CDH13: variants seen among roughly 807,000 people sequenced by gnomAD.
CDH13 encodes the protein cadherin 13.
In CDH13, 24 loss-of-function variants were observed where a neutral mutation model predicts 63.8. The ratio of observed to expected loss-of-function variants is 0.38; its 90% confidence interval spans 0.27 to 0.53. The LOEUF (loss-of-function observed/expected upper bound fraction) is 0.53. Ranked by LOEUF, CDH13 falls within the 20% of genes least tolerant of loss-of-function variation. The pLI is 0.85. For synonymous variants in CDH13, 503 were observed against 355.3 expected (o/e 1.42, Z -4.67); for missense variants, 1,049 against 903.1 (o/e 1.16, Z -2.07).
At position 83,143,178 on chromosome 16, in the gene CDH13, G is replaced by C. The variant is rs558389114; in HGVS notation, c.483+17677G>C. 3.3e-5 allele frequency among the ~76,000 whole-genome samples: 5 copies of C among 152,192 alleles called. No individual in the cohort carries two copies. In the South Asian group the frequency reaches 1.0e-3, roughly 32 times the overall value. On this transcript the variant is annotated intron_variant, in intron 4 of 13. Coordinates refer to ENST00000567109, the MANE Select transcript of CDH13 (RefSeq NM_001257.5). ...CCCTATCTTACATGCAGAACGAATGGTATTAATTTTGTGATGAATAAAAAA... is the reference window on the plus strand; with the variant it reads ...CCCTATCTTACATGCAGAACGAATGCTATTAATTTTGTGATGAATAAAAAA...
At chr16:83,171,922 G>C (rs2037936920) in intron 4 of CDH13, among the ~76,000 whole-genome samples, 1 of 152,204 alleles carries the variant, frequency 6.6e-6, no homozygotes, top group African/African-American at 2.4e-5. Context: ...TGTTATTTAA[G>C]ATTTATTGTC....
At chr16:83,769,076 T>G (rs144207430) in intron 11 of CDH13, among the ~76,000 whole-genome samples, 1 of 152,058 alleles carries the variant, frequency 6.6e-6, no homozygotes, top group South Asian at 2.1e-4. Flanking sequence ...CCCAAGGAAG[T>G]TGAGGCTTGG....
At chr16:82,888,151 G>A (rs113860779) in intron 2 of CDH13, among the ~76,000 whole-genome samples, 1,840 of 152,222 alleles carry the variant, frequency 0.012, 36 homozygotes, top group African/African-American at 0.04. Context: ...AACCTTTTGG[G>A]AAGAAAACAT....
At chr16:83,322,218 G>T (rs1013553516) in intron 5 of CDH13, among the ~76,000 whole-genome samples, 1 of 152,190 alleles carries the variant, frequency 6.6e-6, no homozygotes, top group Admixed American at 6.5e-5. Flanking sequence ...AGAGCCTTTG[G>T]TGTTGCCGGC....
At chr16:83,139,429 C>A (rs917768265) in intron 4 of CDH13, among the ~76,000 whole-genome samples, 1 of 152,148 alleles carries the variant, frequency 6.6e-6, no homozygotes, top group Non-Finnish European at 1.5e-5. Context: ...AAATACATTT[C>A]TTCTTAGTGA....
chr16:83,618,917 T>G (rs987927048), intron 8 of CDH13, among the ~76,000 whole-genome samples: 1 of 152,150 alleles, frequency 6.6e-6, no homozygotes, highest in East Asian at 1.9e-4. Flanking sequence ...TAATTCAGGA[T>G]TAATATATTC....
chr16:83,327,419 G>A (rs2090388998), intron 5 of CDH13, among the ~76,000 whole-genome samples: 1 of 152,064 alleles, frequency 6.6e-6, no homozygotes, highest in South Asian at 2.1e-4. Context: ...ATTTCTTTTT[G>A]TCTATTGATC....
intron 9 of CDH13, among the ~76,000 whole-genome samples, chr16:83,672,499 A>C (rs1413965778): frequency 8.1e-6 from 1 of 123,252 alleles, no homozygotes; most frequent in Admixed American, 1.1e-4. Flanking sequence ...ATCTTGGCTC[A>C]CTGCAACCTC....
intron 5 of CDH13, among the ~76,000 whole-genome samples, chr16:83,302,495 T>C (rs1248215948): frequency 6.6e-6 from 1 of 152,218 alleles, no homozygotes; most frequent in Non-Finnish European, 1.5e-5. Context: ...GCTCCTTATA[T>C]TCTAGAAAAT....
chr16:83,148,771 T>A (rs2036856269), intron 4 of CDH13, among the ~76,000 whole-genome samples: 1 of 152,176 alleles, frequency 6.6e-6, no homozygotes, highest in Admixed American at 6.5e-5. Flanking sequence ...AGAGACAGAT[T>A]TATCCTTATA....
chr16:82,836,194 G>C (rs1326241757), intron 1 of CDH13, among the ~76,000 whole-genome samples: 1 of 152,108 alleles, frequency 6.6e-6, no homozygotes, highest in Non-Finnish European at 1.5e-5. Context: ...TGGCGCCCAG[G>C]CTGGAGTGCA....
rs370411117 is a variant in CDH13 at position 83,148,150 on chromosome 16, C to T, written c.483+22649C>T. ...ACGGGGTTTCACCATTTTGGCCAGG[C>T]TGATCCTGAACTCCTGACCTCAAGT... On this transcript the variant is annotated intron_variant, in intron 4 of 13. Coordinates refer to ENST00000567109, the MANE Select transcript of CDH13 (RefSeq NM_001257.5). Among the ~76,000 whole-genome samples, 62 of 152,278 alleles carry T rather than the reference C, an allele frequency of 4.1e-4. 1 individual carries two copies. Among genetic ancestry groups the T allele is most frequent in the African/African-American group, 1.5e-3 (62 of 41,546 alleles).
At chr16:82,781,244 A>G (rs2035739191) in intron 1 of CDH13, among the ~76,000 whole-genome samples, 1 of 152,162 alleles carries the variant, frequency 6.6e-6, no homozygotes, top group Non-Finnish European at 1.5e-5. Context: ...GAAACATTAT[A>G]CCAATTGGCC....
intron 1 of CDH13, among the ~76,000 whole-genome samples, chr16:82,706,391 A>G (rs1284670410): frequency 6.6e-6 from 1 of 152,200 alleles, no homozygotes; most frequent in African/African-American, 2.4e-5. Context: ...TTATCTGCAT[A>G]TAAGGATAAG....
chr16:82,798,871 A>G (rs2036713908), intron 1 of CDH13, among the ~76,000 whole-genome samples: 1 of 152,240 alleles, frequency 6.6e-6, no homozygotes, highest in Non-Finnish European at 1.5e-5. Context: ...CTTATTTAAT[A>G]ATAACAGGAA....
intron 2 of CDH13, among the ~76,000 whole-genome samples, chr16:82,882,478 G>A (rs990987940): frequency 6.6e-6 from 1 of 152,238 alleles, no homozygotes; most frequent in Non-Finnish European, 1.5e-5. Flanking sequence ...CCGCTGGCAG[G>A]CAAGCTAACC....
intron 3 of CDH13, among the ~76,000 whole-genome samples, chr16:83,040,772 G>C (rs1385198707): frequency 6.6e-6 from 1 of 152,164 alleles, no homozygotes; most frequent in African/African-American, 2.4e-5. Flanking sequence ...AGCCATCACA[G>C]CATCCAAAGT....
intron 7 of CDH13, among the ~76,000 whole-genome samples, chr16:83,583,802 A>G (rs1905867641): frequency 6.6e-6 from 1 of 152,082 alleles, no homozygotes; most frequent in Non-Finnish European, 1.5e-5. Flanking sequence ...CTCTAGACCT[A>G]GCTACTCCAG....
chr16:82,941,644 A>C (rs1211728939), intron 2 of CDH13, among the ~76,000 whole-genome samples: 2 of 152,180 alleles, frequency 1.3e-5, no homozygotes, highest in African/African-American at 4.8e-5. Flanking sequence ...CTATTCTTAA[A>C]TGTCCTCCAG....
Sources: gnomAD v4.1 joint callset for allele counts (sites outside exome capture counted in the v4.1 genomes callset) on GRCh38, gnomAD v4.1.1 for gene constraint, MANE v1.5 for transcripts, NCBI Gene and HGNC (gene_info 2026-07-23, HGNC 2026-07-21) for gene names.